Variants in SPAG9 observed in about 807,000 individuals in gnomAD.
SPAG9 encodes the protein sperm associated antigen 9, also known as C-Jun-amino-terminal kinase-interacting protein 4.
In SPAG9, 35 loss-of-function variants were observed where a neutral mutation model predicts 166.5. That is an observed-to-expected ratio of 0.21 (90% CI 0.16 to 0.28). The LOEUF (loss-of-function observed/expected upper bound fraction) is 0.28. SPAG9 is among the 10% of genes least tolerant of loss of function. SPAG9 has a pLI of 1.00. For synonymous variants in SPAG9, 534 were observed against 565.5 expected, an observed-to-expected ratio of 0.94 and a Z score of 0.79; for missense variants, 1,235 against 1,603.3, an observed-to-expected ratio of 0.77 and a Z score of 3.92.
rs76167072 is a variant in SPAG9 at position 50,979,380 on chromosome 17, GAA to G, written c.3409+364_3409+365del. ...GAGTGAGACCCCGTCTTGAAAAAAA[GAA>G]AAAAAAAAAAAAAAAAGAGTAAGGT... On this transcript the variant is annotated intron_variant, in intron 26 of 29. Transcript: ENST00000262013. Among the ~76,000 whole-genome samples, 614 of 76,126 alleles carry G rather than the reference GAA, an allele frequency of 8.1e-3. 5 individuals are homozygous for G. The highest frequency in any genetic ancestry group is 0.028 in the African/African-American group (584 of 20,600). The allele number at this position is 76,126 out of a possible 152,430, so 49.9% of individuals were successfully genotyped here.
intron 3 of SPAG9, among the ~76,000 whole-genome samples, chr17:51,051,831 A>C (rs1160996509): frequency 1.3e-5 from 2 of 152,196 alleles, no homozygotes; most frequent in African/African-American, 2.4e-5. Context: ...CTCAATCTGT[A>C]AAATGGGAAT....
At chr17:51,066,806 C>T (rs2047684377) in intron 2 of SPAG9, among the ~76,000 whole-genome samples, 1 of 151,314 alleles carries the variant, frequency 6.6e-6, no homozygotes, top group Admixed American at 6.6e-5. Context: ...GCAGGGGAAT[C>T]GCTTGAACCT....
chr17:51,099,038 T>C (rs890917400), intron 1 of SPAG9, among the ~76,000 whole-genome samples: 5 of 144,196 alleles, frequency 3.5e-5, no homozygotes, highest in Non-Finnish European at 7.4e-5. Context: ...AGGCAGAGGC[T>C]GCAGTGAGCT....
chr17:51,049,910 A>G (rs1022112559), intron 3 of SPAG9, among the ~76,000 whole-genome samples: 1 of 152,196 alleles, frequency 6.6e-6, no homozygotes, highest in African/African-American at 2.4e-5. Flanking sequence ...GAATTCTTAT[A>G]TACACTGGAT....
In SPAG9 at chr17:51,053,862, T is replaced by A. The variant is rs1336998410; in HGVS notation, c.495+2550A>T. 4.1e-3 allele frequency among the ~76,000 whole-genome samples: 257 copies of A among 63,354 alleles called. 5 individuals carry two copies. The highest frequency in any genetic ancestry group is 8.9e-3 in the Middle Eastern group (1 of 112). The allele number at this position is 63,354 out of a possible 152,430, so 41.6% of individuals were successfully genotyped here. A position where few individuals can be genotyped will look rare whatever the true frequency, so the allele number is the denominator to read the frequency against. On this transcript the variant is annotated intron_variant, in intron 3 of 29. Transcript: ENST00000262013. The stretch of plus-strand genomic sequence containing the variant: ...AAAAAAAAAAAAAAAAAAGTATATA[T>A]ATATATATATATATATATATATATA...
intron 9 of SPAG9, chr17:51,007,794 AAGGCTAAAGAAAGAT>A (rs758348689): frequency 1.3e-5 from 6 of 445,904 alleles, no homozygotes; most frequent in East Asian, 7.0e-5. Context: ...AGGCAAAAAC[AAGGCTAAAGAAAGAT>A]AGAACCCCAA....
intron 21 of SPAG9, among the ~76,000 whole-genome samples, chr17:50,988,329 A>G (rs769821702): frequency 3.0e-4 from 46 of 152,224 alleles, no homozygotes; most frequent in Non-Finnish European, 5.4e-4. Context: ...AATAACTCCC[A>G]CAAGCTTAGC....
chr17:51,083,932 C>T lies in SPAG9; in HGVS notation c.304-4228G>A, dbSNP rs567043400. ...ACAAACCCCAAGTTTAGCACCTCTT[C>T]GCTATACTTTTCTATGAAAACATTT... On this transcript the variant is annotated intron_variant, in intron 1 of 29. Coordinates refer to ENST00000262013, the MANE Select transcript of SPAG9 (RefSeq NM_001130528.3). 3.3e-5 allele frequency among the ~76,000 whole-genome samples: 5 copies of T among 152,142 alleles called. No homozygotes were observed. The East Asian group carries it at 5.8e-4, about 18-fold the overall frequency.
chr17:51,089,625 T>C (rs1201668295), intron 1 of SPAG9, among the ~76,000 whole-genome samples: 5 of 55,566 alleles, frequency 9.0e-5, no homozygotes, highest in African/African-American at 5.1e-4. Context: ...TTATTTTATA[T>C]ATATATATAT....
intron 9 of SPAG9, among the ~76,000 whole-genome samples, chr17:51,014,005 C>T (rs2045598447): frequency 6.6e-6 from 1 of 151,998 alleles, no homozygotes; most frequent in Admixed American, 6.6e-5. Flanking sequence ...TGTATGAATT[C>T]AAAACATGAA....
At chr17:51,090,729 G>C (rs2144686928) in intron 1 of SPAG9, among the ~76,000 whole-genome samples, 1 of 152,272 alleles carries the variant, frequency 6.6e-6, no homozygotes, top group South Asian at 2.1e-4. Flanking sequence ...ACCTAATTGA[G>C]GTTAAGGCTG....
chr17:51,072,407 G>A (rs1568061132), intron 2 of SPAG9, among the ~76,000 whole-genome samples: 1 of 149,146 alleles, frequency 6.7e-6, no homozygotes, highest in Non-Finnish European at 1.5e-5. Context: ...ATCAGGCTAG[G>A]TATGGTGGTT....
intron 13 of SPAG9, among the ~76,000 whole-genome samples, chr17:50,999,956 A>G (rs2044858902): frequency 6.6e-6 from 1 of 152,244 alleles, no homozygotes. Flanking sequence ...GTCTACCGAC[A>G]GAGGACTGTA....
intron 19 of SPAG9, among the ~76,000 whole-genome samples, chr17:50,992,980 C>T (rs1365655588): frequency 6.6e-6 from 1 of 151,618 alleles, no homozygotes; most frequent in Non-Finnish European, 1.5e-5. Context: ...CCTGTAGTCC[C>T]AGCTACTTGG....
chr17:50,999,747 T>C, intron 13 of SPAG9, 30 bp from the exon 14 acceptor site: 14 of 1,584,708 alleles, frequency 8.8e-6, no homozygotes, highest in Non-Finnish European at 1.2e-5. Context: ...AAAAGAAACA[T>C]TTATCAGTGA....
intron 28 of SPAG9, 69 bp from the exon 29 acceptor site, chr17:50,970,925 TAAGTA>T: frequency 6.0e-6 from 8 of 1,334,136 alleles, no homozygotes; most frequent in Non-Finnish European, 8.4e-6. Context: ...TTTTTTTTTT[TAAGTA>T]TTTTTAGAGT....
intron 3 of SPAG9, among the ~76,000 whole-genome samples, chr17:51,049,898 G>A (rs892350901): frequency 6.6e-6 from 1 of 152,146 alleles, no homozygotes; most frequent in Non-Finnish European, 1.5e-5. Context: ...GCGCCCAGCC[G>A]TGAATTCTTA....
chr17:51,010,581 AAAT>A (rs1338679795), intron 9 of SPAG9, among the ~76,000 whole-genome samples: 1,798 of 130,516 alleles, frequency 0.014, 10 homozygotes, highest in South Asian at 0.029. Flanking sequence ...AAAAAAAAAA[AAAT>A]ATATATATAT....
intron 1 of SPAG9, among the ~76,000 whole-genome samples, chr17:51,102,697 T>G (rs2048840972): frequency 2.0e-5 from 3 of 151,782 alleles, no homozygotes; most frequent in South Asian, 4.2e-4. Context: ...AGAGATGGGG[T>G]TTTACCATGT....
Sources: allele counts gnomAD v4.1 joint callset (sites outside exome capture counted in the v4.1 genomes callset), GRCh38; gene constraint gnomAD v4.1.1; transcripts MANE v1.5; gene names NCBI Gene and HGNC (gene_info 2026-07-23, HGNC 2026-07-21).